Variants in LYRM1 observed in about 807,000 individuals in gnomAD.
The protein encoded by LYRM1 is LYR motif containing 1.
A neutral mutation model predicts 14.9 loss-of-function variants in LYRM1; 14 were observed. That is an observed-to-expected ratio of 0.94 (90% CI 0.62 to 1.47). LYRM1 has a LOEUF of 1.47. Ranked by LOEUF, LYRM1 falls within the 40% of genes most tolerant of loss-of-function variation. The pLI is 0.00. For synonymous variants in LYRM1, 43 were observed against 56.2 expected (o/e 0.77, Z 1.05); for missense variants, 153 against 149.9 (o/e 1.02, Z -0.11).
intron 1 of LYRM1, among the ~76,000 whole-genome samples, chr16:20,914,663 G>T (rs1384217678): frequency 6.6e-6 from 1 of 152,024 alleles, no homozygotes; most frequent in Non-Finnish European, 1.5e-5. Context: ...TTAAAATCTG[G>T]ATTGCCACCT....
In LYRM1 at chr16:20,920,149, T is replaced by C. The variant is rs1040676264; in HGVS notation, c.187T>C (p.Cys63Arg). The C allele has an allele frequency of 1.9e-6, 3 of 1,613,838 alleles. No homozygotes were observed. The highest frequency in any genetic ancestry group is 1.6e-4 in the Middle Eastern group (1 of 6,062). The change falls in exon 3 of 4, where the codon TGT becomes CGT. Residue 63 changes from cysteine (C) to arginine (R), a missense_variant. Cys to Arg is a radical substitution (Grantham distance 180). Transcript: ENST00000567954. Reference sequence around the variant, plus strand: ...CACGGACACAGACCTAATTAAACAGTGTATAGATGAATGCACAGCCAGGAT... The same window carrying C: ...CACGGACACAGACCTAATTAAACAGCGTATAGATGAATGCACAGCCAGGAT... ...NLTDTDLIKQ[C>R]IDECTARIEI...
At chr16:20,912,753 C>T (rs745697596) in intron 1 of LYRM1, among the ~76,000 whole-genome samples, 1 of 151,854 alleles carries the variant, frequency 6.6e-6, no homozygotes, top group Non-Finnish European at 1.5e-5. Context: ...AATTGCAGAA[C>T]TTACCTATAA....
intron 2 of LYRM1, among the ~76,000 whole-genome samples, chr16:20,919,120 G>A (rs904769400): frequency 6.6e-6 from 1 of 152,154 alleles, no homozygotes; most frequent in East Asian, 1.9e-4. Flanking sequence ...CTACTTGGCT[G>A]TTTTTCAGAA....
rs2152561262 is a variant in LYRM1, at chr16:20,924,615, T to A, written c.*499T>A. The A allele has an allele frequency of 6.6e-6, 1 of 152,560 alleles. No individual in the cohort carries two copies. Among genetic ancestry groups the A allele is most frequent in the Non-Finnish European group, 1.5e-5 (1 of 68,242 alleles). The allele number at this position is 152,560 out of a possible 1,614,324, so 9.5% of individuals were successfully genotyped here. ...GACCCTTCCAGTTTCCAGACAAACT[T>A]GTCTTAAAAAGTGCATCATTGGATT... is the stretch of plus-strand genomic sequence containing the variant. On this transcript the variant is annotated 3_prime_UTR_variant, in exon 4 of 4. Transcript: ENST00000567954.
In LYRM1 at chr16:20,921,659, A is replaced by C. The variant is rs959432100; in HGVS notation, c.252+1445A>C. Reference sequence around the variant, plus strand: ...AGGCAATCTGCCCACCGTGGCCTCCAAAAGTGCTAGGATGACAGGCGTAAG... The same window carrying C: ...AGGCAATCTGCCCACCGTGGCCTCCCAAAGTGCTAGGATGACAGGCGTAAG... On this transcript the variant is annotated intron_variant, in intron 3 of 3. Transcript: ENST00000567954. 2.5e-4 allele frequency: 38 copies of C among 151,340 alleles called. 1 individual carries two copies. The highest frequency in any genetic ancestry group is 4.4e-5 in the Non-Finnish European group (3 of 67,894). 9.4% of individuals were successfully genotyped at this position (151,340 alleles called of 1,614,324 possible).
chr16:20,913,716 G>A (rs960879426), intron 1 of LYRM1, among the ~76,000 whole-genome samples: 2 of 152,086 alleles, frequency 1.3e-5, no homozygotes, highest in Admixed American at 6.5e-5. Flanking sequence ...ACCTACGTCC[G>A]TTCTCTCTTG....
At chr16:20,904,963 C>T (rs948446514) in intron 1 of LYRM1, among the ~76,000 whole-genome samples, 9 of 152,110 alleles carry the variant, frequency 5.9e-5, no homozygotes, top group African/African-American at 7.2e-5. Flanking sequence ...AAGAAGTATG[C>T]GCTGTGGTCT....
Position 20,904,327 on chromosome 16 carries a change from G to T in LYRM1, c.-1+3438G>T, listed in dbSNP as rs549824987. Among the ~76,000 whole-genome samples, 58 of 152,288 alleles carry T rather than the reference G, an allele frequency of 3.8e-4. 1 individual carries two copies. The South Asian group carries it at 0.012, about 31-fold the overall frequency. On this transcript the variant is annotated intron_variant, in intron 1 of 3. Transcript: ENST00000567954. ...CTGGTATGATATATTTAGAATGGGT[G>T]TGCTTGCCTCCTGTGATCTTGTTTG...
chr16:20,902,019 G>A (rs1348319290), intron 1 of LYRM1, among the ~76,000 whole-genome samples: 1 of 152,212 alleles, frequency 6.6e-6, no homozygotes, highest in African/African-American at 2.4e-5. Context: ...TGCTACTCAG[G>A]AGAATCGCTT....
chr16:20,911,499 G>A (rs975100221), intron 1 of LYRM1, among the ~76,000 whole-genome samples: 1 of 152,124 alleles, frequency 6.6e-6, no homozygotes, highest in Admixed American at 6.6e-5. Flanking sequence ...CTTACTTCCC[G>A]ATCCTGATGA....
chr16:20,917,979 T>C (rs1194183906), intron 2 of LYRM1, among the ~76,000 whole-genome samples: 4 of 152,006 alleles, frequency 2.6e-5, no homozygotes, highest in Admixed American at 6.6e-5. Flanking sequence ...ATAAATACTT[T>C]GATTTAACTG....
chr16:20,908,183 T>C (rs1436594028), intron 1 of LYRM1, among the ~76,000 whole-genome samples: 2 of 152,212 alleles, frequency 1.3e-5, no homozygotes, highest in African/African-American at 4.8e-5. Flanking sequence ...GTGCCCAGCC[T>C]GCTTAGAGCA....
At chr16:20,912,829 G>A (rs1487960355) in intron 1 of LYRM1, among the ~76,000 whole-genome samples, 17 of 151,642 alleles carry the variant, frequency 1.1e-4, no homozygotes, top group Non-Finnish European at 7.4e-5. Flanking sequence ...CACTTTGGGA[G>A]GCTGAGGCAG....
chr16:20,903,153 A>G (rs946295745), intron 1 of LYRM1, among the ~76,000 whole-genome samples: 1 of 152,238 alleles, frequency 6.6e-6, no homozygotes, highest in East Asian at 1.9e-4. Flanking sequence ...TTCAGCCCAC[A>G]CAGTGATTTA....
intron 2 of LYRM1, among the ~76,000 whole-genome samples, chr16:20,918,558 C>A (rs2152551767): frequency 6.6e-6 from 1 of 152,230 alleles, no homozygotes; most frequent in South Asian, 2.1e-4. Context: ...ATGCAGCCAG[C>A]CCGTGAATGA....
At chr16:20,904,783 G>A (rs1231697767) in intron 1 of LYRM1, among the ~76,000 whole-genome samples, 1 of 150,696 alleles carries the variant, frequency 6.6e-6, no homozygotes, top group African/African-American at 2.4e-5. Context: ...TCACTTAAAG[G>A]TTATTGGATT....
At chr16:20,917,506 T>A (rs1358232668) in intron 2 of LYRM1, among the ~76,000 whole-genome samples, 1 of 152,158 alleles carries the variant, frequency 6.6e-6, no homozygotes, top group Non-Finnish European at 1.5e-5. Context: ...ACGCCTATAA[T>A]CCTTACACTT....
At position 20,901,190 on chromosome 16, in the gene LYRM1, G is replaced by C. The variant is rs1195554168; in HGVS notation, c.-1+301G>C. 6.6e-6 allele frequency: 1 copy of C among 152,522 alleles called. No homozygotes were observed. The highest frequency in any genetic ancestry group is 1.9e-4 in the East Asian group (1 of 5,184). 9.4% of individuals were successfully genotyped at this position (152,522 alleles called of 1,614,324 possible). On this transcript the variant is annotated intron_variant, in intron 1 of 3. Transcript: ENST00000567954. The surrounding 1 kb of genome is among the most constrained non-coding windows in gnomAD (Gnocchi z 4.6). ...GACCCCCGAATGTAAATGGGAGATG[G>C]TAGGGGCCGGTCCGGGGGCGAGAGG...
chr16:20,915,459 CAAA>C (rs566437893), intron 1 of LYRM1, 94 bp from the exon 2 acceptor site: 1,569 of 792,630 alleles, frequency 2.0e-3, no homozygotes, highest in South Asian at 2.0e-3. Context: ...GACTCCGTCT[CAAA>C]AAAAAAAAAA....
Sources: gnomAD v4.1 joint callset for allele counts (sites outside exome capture counted in the v4.1 genomes callset) on GRCh38, gnomAD v4.1.1 for gene constraint, Gnocchi (gnomAD v3.1) non-coding constraint, MANE v1.5 for transcripts, NCBI Gene and HGNC (gene_info 2026-07-23, HGNC 2026-07-21) for gene names.